The following CACNA2D3 variants were observed in gnomAD, a reference collection of about 807,000 sequenced individuals.
CACNA2D3 encodes calcium voltage-gated channel auxiliary subunit alpha2delta 3.
A neutral mutation model predicts 160.6 loss-of-function variants in CACNA2D3; 60 were observed. The observed-to-expected ratio is 0.37, with a 90% confidence interval of 0.30 to 0.46. The LOEUF (loss-of-function observed/expected upper bound fraction) is 0.46, where lower values mean the gene tolerates loss of function less well. Ranked by LOEUF, CACNA2D3 falls within the 20% of genes least tolerant of loss-of-function variation. The pLI is 1.00. For synonymous variants in CACNA2D3, 558 were observed against 492.9 expected, an observed-to-expected ratio of 1.13 and a Z score of -1.75; for missense variants, 1,205 against 1,365.0, an observed-to-expected ratio of 0.88 and a Z score of 1.85.
intron 2 of CACNA2D3, among the ~76,000 whole-genome samples, chr3:54,181,027 C>G (rs140012615): frequency 2.8e-4 from 42 of 152,274 alleles, no homozygotes; most frequent in African/African-American, 1.0e-3. Flanking sequence ...TCCTGCCCCC[C>G]ACCATATATA....
chr3:54,152,130 G>T (rs1472474261), intron 2 of CACNA2D3, among the ~76,000 whole-genome samples: 2 of 152,148 alleles, frequency 1.3e-5, no homozygotes, highest in African/African-American at 2.4e-5. Flanking sequence ...TGTGCCCTTG[G>T]GTCTCTCTTG....
At chr3:54,334,774 A>G (rs902924244) in intron 3 of CACNA2D3, among the ~76,000 whole-genome samples, 14 of 152,214 alleles carry the variant, frequency 9.2e-5, no homozygotes, top group Admixed American at 7.9e-4. Context: ...TTACATGGCG[A>G]ACACTTTGTA....
In CACNA2D3 at chr3:54,811,465, CTTTTTTTTTTTTTTT is replaced by C. The variant is rs71096451; in HGVS notation, c.1381-5352_1381-5338del. 6.6e-4 allele frequency among the ~76,000 whole-genome samples: 74 copies of C among 111,610 alleles called. 5 individuals carry two copies. The highest frequency in any genetic ancestry group is 1.4e-3 in the South Asian group (4 of 2,926). The allele number at this position is 111,610 out of a possible 152,430, so 73.2% of individuals were successfully genotyped here. A position where few individuals can be genotyped will look rare whatever the true frequency, so the allele number is the denominator to read the frequency against. ...GTGCTGATCCTGTTCTCCCTCAGTT[CTTTTTTTTTTTTTTT>C]TTTTTTTTTTTTTTTTTTTTTTTTT... On this transcript the variant is annotated intron_variant, in intron 13 of 37. Coordinates refer to ENST00000474759, the MANE Select transcript of CACNA2D3 (RefSeq NM_018398.3).
intron 27 of CACNA2D3, among the ~76,000 whole-genome samples, chr3:54,943,547 A>G (rs1701531560): frequency 6.6e-6 from 1 of 152,136 alleles, no homozygotes; most frequent in African/African-American, 2.4e-5. Context: ...TATTATTTTA[A>G]TAGCATGGTA....
chr3:54,295,393 G>A (rs574300107), intron 2 of CACNA2D3, among the ~76,000 whole-genome samples: 2 of 151,812 alleles, frequency 1.3e-5, no homozygotes, highest in South Asian at 2.1e-4. Context: ...GGTTAAGGAC[G>A]TGCCCATGAC....
chr3:54,618,943 C>T (rs58865225), intron 9 of CACNA2D3, among the ~76,000 whole-genome samples: 3,400 of 152,276 alleles, frequency 0.022, 133 homozygotes, highest in African/African-American at 0.078. Context: ...CACACTGCAG[C>T]CACTGAAAGC....
intron 11 of CACNA2D3, among the ~76,000 whole-genome samples, chr3:54,688,830 G>A (rs1329886605): frequency 4.6e-5 from 7 of 151,316 alleles, no homozygotes; most frequent in Non-Finnish European, 8.8e-5. Context: ...GTGAAACCGC[G>A]TCTCTACTAA....
Position 54,528,301 on chromosome 3 carries a change from C to CTA in CACNA2D3, c.544+24647_544+24648insTA, listed in dbSNP as rs1575504871. On this transcript the variant is annotated intron_variant, in intron 5 of 37. Coordinates refer to ENST00000474759, the MANE Select transcript of CACNA2D3 (RefSeq NM_018398.3). ...AAAATGGGCATGAGAATAGTTTCTA[C>CTA]CCCAGAAGGTTGTTGTGAGGATTAA... Among the ~76,000 whole-genome samples, 4 of 151,674 alleles carry CTA rather than the reference C, an allele frequency of 2.6e-5. No individual in the cohort carries two copies. In the East Asian group the frequency reaches 7.8e-4, roughly 29 times the overall value.
chr3:54,336,899 C>T (rs1012610772), intron 3 of CACNA2D3, among the ~76,000 whole-genome samples: 2 of 152,104 alleles, frequency 1.3e-5, no homozygotes, highest in Non-Finnish European at 1.5e-5. Flanking sequence ...ACACATGCCC[C>T]ATTAAGGAGT....
intron 29 of CACNA2D3, among the ~76,000 whole-genome samples, chr3:54,984,004 C>T (rs937447821): frequency 3.3e-5 from 5 of 152,140 alleles, no homozygotes; most frequent in Non-Finnish European, 7.4e-5. Flanking sequence ...GCTAACGGCC[C>T]TGCCCCCAAA....
At chr3:54,426,058 T>G (rs1699907877) in intron 4 of CACNA2D3, among the ~76,000 whole-genome samples, 1 of 152,188 alleles carries the variant, frequency 6.6e-6, no homozygotes, top group Non-Finnish European at 1.5e-5. Flanking sequence ...ACAGTTGAAT[T>G]TCATGACTAT....
At chr3:54,843,053 C>A (rs1296817844) in intron 16 of CACNA2D3, among the ~76,000 whole-genome samples, 2 of 151,290 alleles carry the variant, frequency 1.3e-5, no homozygotes, top group African/African-American at 4.9e-5. Context: ...CTTCCACCTC[C>A]CGGGTTCAAG....
intron 9 of CACNA2D3, among the ~76,000 whole-genome samples, chr3:54,603,744 C>T (rs1037862611): frequency 1.3e-5 from 2 of 152,092 alleles, no homozygotes; most frequent in Admixed American, 6.6e-5. Context: ...TCTTACTACA[C>T]GAAACAATCA....
Position 54,547,672 on chromosome 3 carries a change from CTTTTTT to C in CACNA2D3, c.545-15107_545-15102del, listed in dbSNP as rs55806357. Among the ~76,000 whole-genome samples, 211 of 69,312 alleles carry C rather than the reference CTTTTTT, an allele frequency of 3.0e-3. 4 individuals are homozygous for C. Among genetic ancestry groups the C allele is most frequent in the African/African-American group, 9.0e-3 (162 of 18,038 alleles). The allele number at this position is 69,312 out of a possible 152,430, so 45.5% of individuals were successfully genotyped here. On this transcript the variant is annotated intron_variant, in intron 5 of 37. Transcript: ENST00000474759. ...TTTTAAAGAAGAACCTCCCCCAACC[CTTTTTT>C]TTTTTTTTTTTTTTTTTTTTAAGAG...
chr3:54,764,892 G>A (rs894283627), intron 13 of CACNA2D3, among the ~76,000 whole-genome samples: 1 of 152,150 alleles, frequency 6.6e-6, no homozygotes, highest in Non-Finnish European at 1.5e-5. Context: ...TTCTAAAGCC[G>A]AATTCTAAAC....
chr3:54,710,038 C>CA (rs1289621230), intron 11 of CACNA2D3, among the ~76,000 whole-genome samples: 1 of 152,086 alleles, frequency 6.6e-6, no homozygotes, highest in African/African-American at 2.4e-5. Flanking sequence ...AGGTGGGAGT[C>CA]AAAAATCAGA....
At chr3:55,045,535 C>T (rs893290908) in intron 35 of CACNA2D3, among the ~76,000 whole-genome samples, 1 of 152,062 alleles carries the variant, frequency 6.6e-6, no homozygotes, top group Non-Finnish European at 1.5e-5. Context: ...TTAGAGATTT[C>T]GTTGTAGAAA....
At chr3:54,965,771 C>T (rs149055226) in intron 27 of CACNA2D3, among the ~76,000 whole-genome samples, 85 of 152,330 alleles carry the variant, frequency 5.6e-4, no homozygotes, top group African/African-American at 1.9e-3. Flanking sequence ...AGCCGGAACA[C>T]AGCTAGGTCA....
rs916925584 is a variant in CACNA2D3 at position 54,764,405 on chromosome 3, T to G, written c.1380+54T>G. On this transcript the variant is annotated intron_variant, in intron 13 of 37. Coordinates refer to ENST00000474759, the MANE Select transcript of CACNA2D3 (RefSeq NM_018398.3). ...CTAAGCTTTACCCCCATCCCCAAAT[T>G]GTGTTAATTCCAGAAAATAGCAACT... 1.0e-5 allele frequency: 16 copies of G among 1,598,372 alleles called. No individual in the cohort carries two copies. In the Admixed American group the frequency reaches 1.4e-4, roughly 14 times the overall value.
Sources: gnomAD v4.1 joint callset for allele counts (sites outside exome capture counted in the v4.1 genomes callset) on GRCh38, gnomAD v4.1.1 for gene constraint, MANE v1.5 for transcripts, NCBI Gene and HGNC (gene_info 2026-07-23, HGNC 2026-07-21) for gene names.